Variants in BIRC6 observed in about 807,000 individuals in gnomAD.
The protein encoded by BIRC6 is baculoviral IAP repeat containing 6.
BIRC6 carries 98 observed loss-of-function variants against 503.3 expected under a neutral mutation model. The ratio of observed to expected loss-of-function variants is 0.19; its 90% CI spans 0.17 to 0.23. The LOEUF (loss-of-function observed/expected upper bound fraction) is 0.23, where lower values mean the gene tolerates loss of function less well. Ranked by LOEUF, BIRC6 falls within the 10% of genes least tolerant of loss-of-function variation. BIRC6 has a pLI of 1.00. For missense variants in BIRC6, 5,360 were observed against 5,806.0 expected, an observed-to-expected ratio of 0.92 and a Z score of 2.50; for synonymous variants, 2,240 against 2,078.7, an observed-to-expected ratio of 1.08 and a Z score of -2.11.
chr2:32,502,093 TAA>T (rs919660581), intron 47 of BIRC6, among the ~76,000 whole-genome samples: 4 of 152,188 alleles, frequency 2.6e-5, no homozygotes, highest in Non-Finnish European at 4.4e-5. Context: ...CACAGTGATA[TAA>T]GAGTAAAACA....
chr2:32,575,483 G>T, intron 66 of BIRC6, 117 bp downstream of exon 66: 1 of 918,014 alleles, frequency 1.1e-6, no homozygotes, highest in Non-Finnish European at 1.7e-6. Flanking sequence ...ATACACCCTC[G>T]GCTGGGTGCG....
rs540274030 is a variant in BIRC6, at chr2:32,446,585, C to T, written c.4484+917C>T. 2.2e-3 allele frequency among the ~76,000 whole-genome samples: 341 copies of T among 152,166 alleles called. 1 individual carries two copies. The highest frequency in any genetic ancestry group is 5.6e-3 in the South Asian group (27 of 4,814). ...GCCTGATACCCCTCGCTTCAATCTG[C>T]AGGTGGCAGTCTTAGTACCTTAGTT... On this transcript the variant is annotated intron_variant, in intron 21 of 73. Transcript: ENST00000421745.
chr2:32,397,586 G>T (rs2040052086), intron 6 of BIRC6, among the ~76,000 whole-genome samples: 1 of 143,626 alleles, frequency 7.0e-6, no homozygotes, highest in African/African-American at 2.6e-5. Context: ...GTGTGTGTGT[G>T]TGTGTGTGTG....
intron 66 of BIRC6, among the ~76,000 whole-genome samples, chr2:32,585,879 A>G (rs2060989284): frequency 6.6e-6 from 1 of 152,186 alleles, no homozygotes; most frequent in Non-Finnish European, 1.5e-5. Flanking sequence ...TTGCTTAGGT[A>G]TATATTGATT....
chr2:32,555,882 C>T (rs1473286907), intron 65 of BIRC6, among the ~76,000 whole-genome samples: 4 of 147,618 alleles, frequency 2.7e-5, no homozygotes, highest in East Asian at 2.0e-4. Context: ...TACCACTACA[C>T]TCCAGCCTGG....
At chr2:32,429,490 AGAG>A (rs1451971236) in intron 11 of BIRC6, among the ~76,000 whole-genome samples, 195 bp downstream of exon 11, 2 of 152,174 alleles carry the variant, frequency 1.3e-5, no homozygotes, top group South Asian at 2.1e-4. Context: ...TAGTCTAATT[AGAG>A]GAGGGAAAAA....
At chr2:32,360,721 G>C (rs1395418470) in intron 1 of BIRC6, among the ~76,000 whole-genome samples, 1 of 152,078 alleles carries the variant, frequency 6.6e-6, no homozygotes, top group Non-Finnish European at 1.5e-5. Flanking sequence ...TGGCAGGTTA[G>C]TATTTTGTGG....
rs35286811 is a variant in BIRC6, at chr2:32,575,355, C to A, written c.13344C>A (p.Thr4448=). Residue 4448 remains threonine, a synonymous_variant, in exon 66 of 74, where the codon ACC becomes ACA. Coordinates refer to ENST00000421745, the MANE Select transcript of BIRC6 (RefSeq NM_016252.4). Reference sequence around the variant, plus strand: ...TGAAGACCTGTGTTGATACCTATACCAACCGTTTAAGGTACTATATACAAT... The same window carrying A: ...TGAAGACCTGTGTTGATACCTATACAAACCGTTTAAGGTACTATATACAAT... ...AKMKTCVDTY[T]NRLRSKRENV... The A allele has an allele frequency of 2.5e-6, 4 of 1,613,506 alleles. No individual in the cohort carries two copies. Among genetic ancestry groups the A allele is most frequent in the Non-Finnish European group, 3.4e-6 (4 of 1,179,546 alleles).
rs2054007474 is a variant in BIRC6, at chr2:32,508,276, C to CTCTTTTTTTTTTTTTTTTTTTT, written c.9980+18_9980+19insCTTTTTTTTTTTTTTTTTTTTT. 2.3e-6 allele frequency: 2 copies of CTCTTTTTTTTTTTTTTTTTTTT among 864,872 alleles called. No individual in the cohort carries two copies. The highest frequency in any genetic ancestry group is 2.9e-6 in the Non-Finnish European group (2 of 695,000). 53.6% of individuals were successfully genotyped at this position (864,872 alleles called of 1,614,324 possible). On this transcript the variant is annotated intron_variant, in intron 51 of 73. Coordinates refer to ENST00000421745, the MANE Select transcript of BIRC6 (RefSeq NM_016252.4). ...CAAAACAAGGTATGTTTTGTTTGTCCTTTTTTTTTTTTTTTTTTTTTTTTT... is the reference window on the plus strand; with the variant it reads ...CAAAACAAGGTATGTTTTGTTTGTCCTCTTTTTTTTTTTTTTTTTTTTTTTTTTTTTTTTTTTTTTTTTTTTT...
chr2:32,582,777 CAAAA>C (rs2060767296), intron 66 of BIRC6, among the ~76,000 whole-genome samples: 1 of 151,580 alleles, frequency 6.6e-6, no homozygotes, highest in Non-Finnish European at 1.5e-5. Flanking sequence ...AACAAACAAA[CAAAA>C]AAACTAGAAT....
At chr2:32,534,598 G>A (rs1289708390) in intron 61 of BIRC6, among the ~76,000 whole-genome samples, 5 of 151,470 alleles carry the variant, frequency 3.3e-5, no homozygotes, top group African/African-American at 1.2e-4. Flanking sequence ...GGGCGTGGTG[G>A]TGGACGCTTG....
chr2:32,479,696 A>C (rs2050160943), intron 37 of BIRC6, 79 bp downstream of exon 37: 2 of 1,285,828 alleles, frequency 1.6e-6, no homozygotes, highest in Admixed American at 2.6e-5. Context: ...AGAGAAAAAT[A>C]AAGTTGATTT....
At chr2:32,414,723 C>T in intron 9 of BIRC6, 46 bp from the exon 10 acceptor site, 1 of 1,431,060 alleles carries the variant, frequency 7.0e-7, no homozygotes, top group Non-Finnish European at 9.6e-7. Context: ...AATGTGCTGA[C>T]TGGATGAGTA....
intron 65 of BIRC6, among the ~76,000 whole-genome samples, chr2:32,562,160 A>G (rs997012105): frequency 3.9e-5 from 6 of 152,312 alleles, no homozygotes; most frequent in African/African-American, 7.2e-5. Context: ...GAACTTTAGC[A>G]TGCTAGACTG....
At chr2:32,541,543 C>A (rs1559012767) in intron 61 of BIRC6, among the ~76,000 whole-genome samples, 1 of 152,076 alleles carries the variant, frequency 6.6e-6, no homozygotes, top group East Asian at 1.9e-4. Context: ...AGTTACCTAT[C>A]AGTCTACTAA....
At chr2:32,590,846 C>CG (rs1207084962) in intron 66 of BIRC6, 1 of 985,748 alleles carries the variant, frequency 1.0e-6, no homozygotes, top group Non-Finnish European at 1.2e-6. Context: ...CACAAAGCAG[C>CG]GGATACCATG....
Position 32,509,833 on chromosome 2 carries a change from T to A in BIRC6, c.10076T>A (p.Leu3359Gln). The change falls in exon 52 of 74, where the codon CTG becomes CAG. Residue 3359 changes from leucine to glutamine, a missense_variant. This residue lies in a region of BIRC6 where 878 missense variants were observed against 928.9 expected (regional missense o/e 0.95). Transcript: ENST00000421745. ...GCAGCTGCACCTACTGCTAATCTGC[T>A]GCAGACTTGTGCGGCCTTATTGATG... ...ASAAAPTANL[L>Q]QTCAALLMSP... The A allele has an allele frequency of 6.2e-7, 1 of 1,614,062 alleles. No individual in the cohort carries two copies. Among genetic ancestry groups the A allele is most frequent in the Non-Finnish European group, 8.5e-7 (1 of 1,179,886 alleles).
chr2:32,550,043 C>A (rs1244853659), intron 65 of BIRC6, among the ~76,000 whole-genome samples: 1 of 152,060 alleles, frequency 6.6e-6, no homozygotes, highest in Non-Finnish European at 1.5e-5. Flanking sequence ...GAAATGTGTT[C>A]TTTTCCTAAG....
Position 32,529,833 on chromosome 2 carries a change from A to C in BIRC6, c.12094+9A>C, listed in dbSNP as rs750037105. The C allele has an allele frequency of 1.9e-6, 3 of 1,551,760 alleles. No individual in the cohort carries two copies. Among genetic ancestry groups the C allele is most frequent in the African/African-American group, 2.8e-5 (2 of 72,490 alleles). On this transcript the variant is annotated intron_variant, in intron 60 of 73. Coordinates refer to ENST00000421745, the MANE Select transcript of BIRC6 (RefSeq NM_016252.4). ...ACTACACCCTGAAAAAGGTATGTGC[A>C]TAATACTACTTTAAAAATTACAGAC...
Sources: allele counts gnomAD v4.1 joint callset (sites outside exome capture counted in the v4.1 genomes callset), GRCh38; gene constraint gnomAD v4.1.1; regional missense constraint gnomAD v4.1.1; transcripts MANE v1.5; gene names NCBI Gene and HGNC (gene_info 2026-07-23, HGNC 2026-07-21).